Variants in CDHR4 observed in about 807,000 individuals in gnomAD.
CDHR4 encodes the protein cadherin related family member 4.
A neutral mutation model predicts 88.4 loss-of-function variants in CDHR4; 89 were observed. That is an observed-to-expected ratio of 1.01 (90% CI 0.85 to 1.20). The LOEUF (loss-of-function observed/expected upper bound fraction) is 1.20. Among genes scored for constraint, CDHR4 ranks in the 50% most tolerant of loss-of-function variants. The pLI, the probability that CDHR4 is intolerant of heterozygous loss-of-function variation, is 0.00. For synonymous variants in CDHR4, 368 were observed against 399.2 expected, an observed-to-expected ratio of 0.92 and a Z score of 0.93; for missense variants, 914 against 1,007.2, an observed-to-expected ratio of 0.91 and a Z score of 1.25.
chr3:49,792,081 T>C, intron 15 of CDHR4, 122 bp from the exon 16 acceptor site: 4 of 970,854 alleles, frequency 4.1e-6, no homozygotes, highest in Non-Finnish European at 6.3e-6. Flanking sequence ...AGTGCCCACA[T>C]TGTTACATCC....
intron 18 of CDHR4, 74 bp from the exon 19 acceptor site, chr3:49,790,961 T>G: frequency 8.2e-7 from 1 of 1,215,910 alleles, no homozygotes; most frequent in Non-Finnish European, 1.2e-6. Flanking sequence ...TCCCCCTTAC[T>G]TAAGGGTAGG....
rs1157508198 is a variant in CDHR4, at chr3:49,793,600, T to C, written c.1606A>G (p.Ile536Val). The change falls in exon 12 of 19, where the codon ATT becomes GTT. Residue 536 changes from isoleucine to valine, a missense_variant. Transcript: ENST00000412678. ...GCAATTACCTCAACCTCGATGGTAATGGTACAGGAGCCTGAGAGGTGATGG... is the reference window on the plus strand; with the variant it reads ...GCAATTACCTCAACCTCGATGGTAACGGTACAGGAGCCTGAGAGGTGATGG... ...PNHHLSGSCTITIEVEDVNDH... is the reference protein window; with the variant it reads ...PNHHLSGSCTVTIEVEDVNDH... The C allele has an allele frequency of 6.4e-7, 1 of 1,551,620 alleles. No homozygotes were observed. The highest frequency in any genetic ancestry group is 1.4e-5 in the African/African-American group (1 of 73,056).
chr3:49,799,905 G>T, upstream of CDHR4: 2 of 1,380,870 alleles, frequency 1.4e-6, no homozygotes, highest in Non-Finnish European at 2.0e-6. Flanking sequence ...CTCAAACATA[G>T]CTGGGCAGGC....
intron 4 of CDHR4, among the ~76,000 whole-genome samples, chr3:49,797,936 G>A (rs1376168981): frequency 7.1e-6 from 1 of 141,784 alleles, no homozygotes; most frequent in Non-Finnish European, 1.5e-5. Flanking sequence ...TTGAGACAGA[G>A]TCTTGTTCTG....
chr3:49,794,532 A>C (rs1479922224), intron 10 of CDHR4, 76 bp downstream of exon 10: 22 of 1,173,486 alleles, frequency 1.9e-5, no homozygotes, highest in Non-Finnish European at 2.4e-5. Context: ...AGGAGAGATG[A>C]CCCTGTCCTG....
Position 49,799,421 on chromosome 3 carries a change from G to A in CDHR4, c.66C>T (p.Pro22=). The change falls in exon 2 of 19, where the codon CCC becomes CCT. Residue 22 remains proline, a synonymous_variant. Transcript: ENST00000412678. ...GGCTCTCAGAGACATTTATAAAGCA[G>A]GGCAGGCTGCAGAGGTCTGTGAAGA... The part of the protein sequence containing the change: ...APVVSDLCSL[P]CFINVSESQG... 6.2e-7 allele frequency: 1 copy of A among 1,601,322 alleles called. No homozygotes were observed. Among genetic ancestry groups the A allele is most frequent in the Non-Finnish European group, 8.5e-7 (1 of 1,174,232 alleles).
At position 49,790,810 on chromosome 3, in the gene CDHR4, A is replaced by G. The variant is rs572383372; in HGVS notation, c.*22T>C. 5 of 1,543,246 alleles carry G rather than the reference A, an allele frequency of 3.2e-6. No homozygotes were observed. Among genetic ancestry groups the G allele is most frequent in the South Asian group, 1.2e-5 (1 of 82,710 alleles). Reference sequence around the variant, plus strand: ...ATGGTGTGAAAAAGAAATTCCACACATAGTAAGACAGCTACTTGGCCTCAG... The same window carrying G: ...ATGGTGTGAAAAAGAAATTCCACACGTAGTAAGACAGCTACTTGGCCTCAG... On this transcript the variant is annotated 3_prime_UTR_variant, in exon 19 of 19. Coordinates refer to ENST00000412678, the MANE Select transcript of CDHR4 (RefSeq NM_001007540.4).
Position 49,793,260 on chromosome 3 carries a change from T to C in CDHR4, c.1675A>G (p.Ile559Val). The C allele has an allele frequency of 6.4e-7, 1 of 1,551,658 alleles. No individual in the cohort carries two copies. Among genetic ancestry groups the C allele is most frequent in the Non-Finnish European group, 8.7e-7 (1 of 1,146,990 alleles). Residue 559 changes from isoleucine to valine, a missense_variant, in exon 13 of 19, where the codon ATC becomes GTC. Ile to Val is a conservative substitution (Grantham distance 29). Transcript: ENST00000412678. Reference sequence around the variant, plus strand: ...ACGCTACGGCCCAGAGGAGCATAGATGGTGAGTTCCTGAAATGGGGGCTCA... The same window carrying C: ...ACGCTACGGCCCAGAGGAGCATAGACGGTGAGTTCCTGAAATGGGGGCTCA... ...ECEPPFQELT[I>V]YAPLGRSVEV...
chr3:49,794,592 G>C lies in CDHR4; in HGVS notation c.1279+16C>G. On this transcript the variant is annotated intron_variant, in intron 10 of 18. Coordinates refer to ENST00000412678, the MANE Select transcript of CDHR4 (RefSeq NM_001007540.4). ...CAGCCTTGTCCTGGGTGTCCAGGCCGGGTGTGGTCACTCACTGGTCATCTG... is the reference window on the plus strand; with the variant it reads ...CAGCCTTGTCCTGGGTGTCCAGGCCCGGTGTGGTCACTCACTGGTCATCTG... 1 of 1,544,012 alleles carries C rather than the reference G, an allele frequency of 6.5e-7. No homozygotes were observed. The highest frequency in any genetic ancestry group is 8.8e-7 in the Non-Finnish European group (1 of 1,142,208).
intron 5 of CDHR4, among the ~76,000 whole-genome samples, chr3:49,796,427 C>G (rs755000511): frequency 3.3e-5 from 5 of 152,088 alleles, no homozygotes; most frequent in African/African-American, 1.2e-4. Flanking sequence ...ACCTCCACCC[C>G]CTGGGTTCAA....
upstream of CDHR4, among the ~76,000 whole-genome samples, chr3:49,802,863 C>G (rs1358755821): frequency 2.6e-5 from 4 of 152,256 alleles, no homozygotes; most frequent in African/African-American, 9.6e-5. Context: ...TCAGGGAGTG[C>G]CAAGGCCAGC....
In CDHR4 at chr3:49,795,582, C is replaced by T; in HGVS notation, c.847+46G>A. 1 of 1,549,948 alleles carries T rather than the reference C, an allele frequency of 6.5e-7. No homozygotes were observed. Among genetic ancestry groups the T allele is most frequent in the South Asian group, 1.2e-5 (1 of 83,900 alleles). ...TACTATGGGTCACCTCTGGACCAGC[C>T]ACAGAGGCATCCCAGTACCTGCCCC... On this transcript the variant is annotated intron_variant, in intron 7 of 18. Coordinates refer to ENST00000412678, the MANE Select transcript of CDHR4 (RefSeq NM_001007540.4). This position sits in a 1 kb window ranked among gnomAD's most constrained non-coding sequence, Gnocchi z 5.4.
chr3:49,798,561 C>G, intron 4 of CDHR4: 2 of 501,664 alleles, frequency 4.0e-6, no homozygotes, highest in South Asian at 6.1e-5. Context: ...GCACTCCAGC[C>G]TGGACGACAG....
chr3:49,796,096 C>T (rs2081268075), intron 5 of CDHR4, 50 bp from the exon 6 acceptor site: 7 of 1,359,188 alleles, frequency 5.2e-6, no homozygotes, highest in Non-Finnish European at 6.9e-6. Flanking sequence ...GTGTCCACCT[C>T]TTTGTCTATG....
intron 4 of CDHR4, among the ~76,000 whole-genome samples, chr3:49,797,965 T>G (rs945891960): frequency 1.1e-4 from 17 of 149,604 alleles, no homozygotes; most frequent in African/African-American, 3.2e-4. Context: ...CCTGGAGCAG[T>G]GGCACAATCT....
At chr3:49,793,336 G>T in intron 12 of CDHR4, 25 bp from the exon 13 acceptor site, 1 of 1,549,764 alleles carries the variant, frequency 6.5e-7, no homozygotes. Flanking sequence ...CAGGTTAGGA[G>T]TGGGTGGAAC....
intron 10 of CDHR4, 91 bp downstream of exon 10, chr3:49,794,517 G>T: frequency 9.8e-7 from 1 of 1,024,038 alleles, no homozygotes; most frequent in Non-Finnish European, 1.4e-6. Flanking sequence ...ACTGGATTCT[G>T]AAGGAGGAGA....
chr3:49,792,936 TG>T lies in CDHR4; in HGVS notation c.1912del (p.His638ThrfsTer12), dbSNP rs932849375. On this transcript the variant is annotated frameshift_variant, in exon 14 of 19. Coordinates refer to ENST00000412678, the MANE Select transcript of CDHR4 (RefSeq NM_001007540.4). LOFTEE classifies it high-confidence loss of function. ...AATAATGGTGGCTGTGGTGCTGAGG[TG>T]GGGGGTGGAGGGGCCTGCATCGGCC... ...CVADAGPSTP[H>X]LSTTATIIVH... 9.0e-6 allele frequency: 14 copies of T among 1,551,122 alleles called. No homozygotes were observed. The highest frequency in any genetic ancestry group is 1.7e-4 in the Middle Eastern group (1 of 6,006).
Position 49,795,669 on chromosome 3 carries a change from A to C in CDHR4, c.806T>G (p.Ile269Ser). 30 of 1,551,562 alleles carry C rather than the reference A, an allele frequency of 1.9e-5. No homozygotes were observed. The highest frequency in any genetic ancestry group is 2.5e-5 in the Non-Finnish European group (29 of 1,146,946). The change falls in exon 7 of 19, where the codon ATC (isoleucine) becomes AGC (serine). Residue 269 changes from isoleucine (I) to serine (S), a missense_variant. By Grantham distance (142) the Ile-to-Ser change is moderately radical. Transcript: ENST00000412678. The surrounding 1 kb of genome is among the most constrained non-coding windows in gnomAD (Gnocchi z 5.4). Reference sequence around the variant, plus strand: ...GAGTGGGCTGGGCACCGGAGACAGGATTTCATAGCGCAGGTCGACACCCCG... The same window carrying C: ...GAGTGGGCTGGGCACCGGAGACAGGCTTTCATAGCGCAGGTCGACACCCCG... ...QARGVDLRYE[I>S]LSPVPSPLFS... is the part of the protein sequence containing the mutation.
Sources: allele counts gnomAD v4.1 joint callset (sites outside exome capture counted in the v4.1 genomes callset), GRCh38; gene constraint gnomAD v4.1.1; non-coding constraint Gnocchi (gnomAD v3.1); transcripts MANE v1.5; gene names NCBI Gene and HGNC (gene_info 2026-07-23, HGNC 2026-07-21).